SLC11A2: variants seen among roughly 807,000 people sequenced by gnomAD.
The protein encoded by SLC11A2 is solute carrier family 11 member 2.
SLC11A2 carries 38 observed loss-of-function variants against 68.0 expected under a neutral mutation model. The ratio of observed to expected loss-of-function variants is 0.56; its 90% confidence interval spans 0.43 to 0.73. SLC11A2 has a LOEUF of 0.73. Among genes scored for constraint, SLC11A2 ranks in the 30% least tolerant of loss-of-function variants. The pLI is 0.00. For missense variants in SLC11A2, 517 were observed against 690.5 expected (o/e 0.75, Z 2.82); for synonymous variants, 242 against 250.6 (o/e 0.97, Z 0.32).
At chr12:50,995,039 A>G (rs1941573390) in intron 10 of SLC11A2, 2 of 277,444 alleles carry the variant, frequency 7.2e-6, no homozygotes, top group Non-Finnish European at 1.4e-5. Context: ...GGCCAGGCAC[A>G]GGAGCTCACG....
intron 1 of SLC11A2, among the ~76,000 whole-genome samples, chr12:51,015,187 AG>A (rs1943547213): frequency 7.7e-6 from 1 of 130,210 alleles, no homozygotes; most frequent in African/African-American, 2.9e-5. Context: ...TAATAAAACT[AG>A]GGAGGGGCCG....
chr12:50,967,113 C>CAA, the SLC11A2 span, among the ~76,000 whole-genome samples: 346 of 131,922 alleles, frequency 2.6e-3, 2 homozygotes, highest in African/African-American at 8.2e-3. Context: ...GACTCAGTCT[C>CAA]AAAAAAAAAA....
chr12:51,020,270 C>T (rs1281071617), intron 1 of SLC11A2, among the ~76,000 whole-genome samples: 2 of 148,998 alleles, frequency 1.3e-5, no homozygotes, highest in East Asian at 4.0e-4. Flanking sequence ...GTTACTCAGG[C>T]TGGTCTCAAA....
At chr12:51,023,384 T>G (rs1442298932) in intron 1 of SLC11A2, among the ~76,000 whole-genome samples, 1 of 152,068 alleles carries the variant, frequency 6.6e-6, no homozygotes, top group African/African-American at 2.4e-5. Flanking sequence ...AATGTGGAGG[T>G]TGCAGTGAAC....
In SLC11A2 at chr12:50,987,370, T is replaced by C. The variant is rs1158430079; in HGVS notation, c.*955A>G. On this transcript the variant is annotated 3_prime_UTR_variant, in exon 16 of 16. Coordinates refer to ENST00000262052, the MANE Select transcript of SLC11A2 (RefSeq NM_000617.3). ...AGCAGAGCGGTGCATCAGAAAAACA[T>C]GACGATTCTGCTGAGAGGTGGCTTT... is the stretch of plus-strand genomic sequence containing the variant. 8 of 1,287,084 alleles carry C rather than the reference T, an allele frequency of 6.2e-6. No individual in the cohort carries two copies. Among genetic ancestry groups the C allele is most frequent in the Non-Finnish European group, 8.1e-6 (8 of 988,708 alleles). 79.7% of individuals were successfully genotyped at this position (1,287,084 alleles called of 1,614,324 possible).
the SLC11A2 span, chr12:50,953,852 A>G: frequency 3.6e-6 from 2 of 556,882 alleles, no homozygotes; most frequent in Non-Finnish European, 6.4e-6. Flanking sequence ...TGAAGGAAAG[A>G]CAATTGTTTC....
At chr12:51,023,995 G>C (rs1181449291) in intron 1 of SLC11A2, among the ~76,000 whole-genome samples, 1 of 152,086 alleles carries the variant, frequency 6.6e-6, no homozygotes, top group African/African-American at 2.4e-5. Context: ...TGTCTTGTGG[G>C]GGGTGGGAGG....
chr12:51,019,792 CGT>C (rs1235796522), intron 1 of SLC11A2, among the ~76,000 whole-genome samples: 1 of 150,890 alleles, frequency 6.6e-6, no homozygotes, highest in Non-Finnish European at 1.5e-5. Context: ...GGACTAGAGG[CGT>C]GTGCCATGCC....
Position 51,019,563 on chromosome 12 carries a change from GATT to G in SLC11A2, c.-39+6744_-39+6746del, listed in dbSNP as rs546622763. ...TATTAATCACTTTTTTAAAATAAGA[GATT>G]ATTACTCTCCCTCTATTTTTCCATT... On this transcript the variant is annotated intron_variant, in intron 1 of 15. Coordinates refer to ENST00000262052, the MANE Select transcript of SLC11A2 (RefSeq NM_000617.3). 1.3e-4 allele frequency among the ~76,000 whole-genome samples: 20 copies of G among 151,172 alleles called. No individual in the cohort carries two copies. The South Asian group carries it at 1.7e-3, about 13-fold the overall frequency.
At chr12:50,999,126 C>T (rs760446368) in intron 8 of SLC11A2, 48 bp downstream of exon 8, 68 of 1,377,706 alleles carry the variant, frequency 4.9e-5, no homozygotes, top group Non-Finnish European at 4.1e-6. Flanking sequence ...AAAAAAAAAA[C>T]CACAAAAACT....
chr12:50,966,463 C>T, the SLC11A2 span, among the ~76,000 whole-genome samples: 2 of 152,166 alleles, frequency 1.3e-5, no homozygotes, highest in Non-Finnish European at 2.9e-5. Flanking sequence ...AGATGCCTAA[C>T]AGCATCCCTG....
chr12:50,960,204 C>CT, the SLC11A2 span, among the ~76,000 whole-genome samples: 1 of 152,120 alleles, frequency 6.6e-6, no homozygotes, highest in African/African-American at 2.4e-5. Flanking sequence ...ATATTCATAC[C>CT]TTTTCATCTC....
At chr12:51,009,764 GT>G (rs776973471) in intron 2 of SLC11A2, among the ~76,000 whole-genome samples, 13 of 152,130 alleles carry the variant, frequency 8.5e-5, no homozygotes, top group Non-Finnish European at 1.5e-4. Flanking sequence ...CACTCCAGAG[GT>G]TTTTATCCTG....
chr12:51,013,423 T>C (rs1024785104), intron 1 of SLC11A2, among the ~76,000 whole-genome samples: 5 of 151,790 alleles, frequency 3.3e-5, no homozygotes, highest in Non-Finnish European at 4.4e-5. Context: ...CCGAAGTAGC[T>C]AGGATTACAG....
chr12:50,990,258 G>T (rs948016287), intron 15 of SLC11A2, among the ~76,000 whole-genome samples: 1 of 152,012 alleles, frequency 6.6e-6, no homozygotes, highest in African/African-American at 2.4e-5. Flanking sequence ...AGCTGAGTGG[G>T]GCTGTGTGCC....
rs1421338626 is a variant in SLC11A2 at position 51,005,410 on chromosome 12, G to C, written c.210C>G (p.Leu70=). 1 of 1,613,912 alleles carries C rather than the reference G, an allele frequency of 6.2e-7. No homozygotes were observed. The highest frequency in any genetic ancestry group is 8.5e-7 in the Non-Finnish European group (1 of 1,179,908). ...EEYSCFSFRK[L]WAFTGPGFLM... ...GAAAACCTGGTCCGGTGAAAGCCCAGAGTTTACGAAAGCTAAAACAAGAGT... is the reference window on the plus strand; with the variant it reads ...GAAAACCTGGTCCGGTGAAAGCCCACAGTTTACGAAAGCTAAAACAAGAGT... Residue 70 remains leucine (L), a synonymous_variant, in exon 4 of 16, where the codon CTC becomes CTG. Coordinates refer to ENST00000262052, the MANE Select transcript of SLC11A2 (RefSeq NM_000617.3).
In SLC11A2 at chr12:51,026,275, G is replaced by GA. The variant is rs1332366153; in HGVS notation, c.-39+34dup. On this transcript the variant is annotated intron_variant, in intron 1 of 15. Transcript: ENST00000262052. ...CCGCGCCCCTCCCTGCCAGCGAGCG[G>GA]AATGCCGTGACCCCTGACCTTGCCT... is the stretch of plus-strand genomic sequence containing the variant. 25 of 1,221,292 alleles carry GA rather than the reference G, an allele frequency of 2.0e-5. No individual in the cohort carries two copies. In the East Asian group the frequency reaches 1.7e-3, roughly 83 times the overall value. 75.7% of individuals were successfully genotyped at this position (1,221,292 alleles called of 1,614,324 possible).
the SLC11A2 span, among the ~76,000 whole-genome samples, chr12:50,961,702 C>A: frequency 6.6e-6 from 1 of 152,108 alleles, no homozygotes; most frequent in Non-Finnish European, 1.5e-5. Flanking sequence ...ACAAGAAGTC[C>A]ATTTTAGGAC....
chr12:51,026,393 C>T (rs1039523862), upstream of SLC11A2: 7 of 1,267,808 alleles, frequency 5.5e-6, no homozygotes, highest in African/African-American at 7.6e-5. Flanking sequence ...CTGGCTAACG[C>T]CCTCCCCTCC....
Sources: gnomAD v4.1 joint callset for allele counts (sites outside exome capture counted in the v4.1 genomes callset) on GRCh38, gnomAD v4.1.1 for gene constraint, MANE v1.5 for transcripts, NCBI Gene and HGNC (gene_info 2026-07-23, HGNC 2026-07-21) for gene names.